The following HELZ2 variants were observed in gnomAD, a reference collection of about 807,000 sequenced individuals.
HELZ2 encodes 3'-5' exoribonuclease HELZ2.
In HELZ2, 143 loss-of-function variants were observed where a neutral mutation model predicts 208.8. The ratio of observed to expected loss-of-function variants is 0.68; its 90% CI spans 0.60 to 0.79. HELZ2 has a LOEUF of 0.79. HELZ2 is among the 30% of genes least tolerant of loss of function. The probability of loss-of-function intolerance (pLI) is 0.00; values close to 1 mark genes in which losing one functional copy is unlikely to be tolerated. For missense variants in HELZ2, 3,690 were observed against 3,794.5 expected (o/e 0.97, Z 0.72); for synonymous variants, 1,705 against 1,693.7 (o/e 1.01, Z -0.16).
In HELZ2 at chr20:63,568,893, A is replaced by G. The variant is rs200679695; in HGVS notation, c.1195T>C (p.Ser399Pro). The change falls in exon 5 of 19, where the codon TCC becomes CCC. Residue 399 changes from serine to proline, a missense_variant. Coordinates refer to ENST00000467148, the Ensembl canonical transcript of HELZ2. ...TGGTCTGTGTCTGGCATCAGGGAGG[A>G]GGGGACGGGGACCTCTGCGTACAGT... The G allele has an allele frequency of 5.6e-6, 9 of 1,611,448 alleles. No homozygotes were observed. The East Asian group carries it at 1.8e-4, about 32-fold the overall frequency.
At chr20:63,562,824 C>G (rs758534309) in exon 8 of HELZ2, 1 of 1,610,342 alleles carries the variant, frequency 6.2e-7, no homozygotes, top group Non-Finnish European at 8.5e-7. Context: ...AAGTTGATGT[C>G]GGCACAGTTC....
chr20:63,566,037 C>T lies in HELZ2; in HGVS notation c.2785G>A (p.Glu929Lys), dbSNP rs148858048. ...TCCACGCACTCACGGATGAAGCTCT[C>T]CCAGAGCTTGCCGCAGGCCCCGAAG... Residue 929 changes from glutamate (E) to lysine (K), a missense_variant, in exon 8 of 19, where the codon GAG becomes AAG. Transcript: ENST00000467148. The T allele has an allele frequency of 8.0e-5, 127 of 1,591,718 alleles. No individual in the cohort carries two copies. In the African/African-American group the frequency reaches 1.5e-3, roughly 19 times the overall value.
chr20:63,563,210 A>C lies in HELZ2; in HGVS notation c.5612T>G (p.Leu1871Arg). 2 of 1,582,102 alleles carry C rather than the reference A, an allele frequency of 1.3e-6. No individual in the cohort carries two copies. Among genetic ancestry groups the C allele is most frequent in the African/African-American group, 1.3e-5 (1 of 74,768 alleles). Residue 1871 changes from leucine (L) to arginine (R), a missense_variant, in exon 8 of 19, where the codon CTG (leucine) becomes CGG (arginine). This residue lies in a region of HELZ2 where 2,564 missense variants were observed against 2,580.5 expected (regional missense o/e 0.99). Coordinates refer to ENST00000467148, the Ensembl canonical transcript of HELZ2. ...ACTGCCCAGCTCCCGGGCCACCTCC[A>C]GGAAATGGCCACAGTGGCTCCGCTG...
chr20:63,559,111 T>C, downstream of HELZ2: 1 of 1,010,674 alleles, frequency 9.9e-7, no homozygotes, highest in South Asian at 1.8e-5. Flanking sequence ...GTCCACCCAC[T>C]TCCTGCCCCA....
rs1430504975 is a variant in HELZ2 at position 63,562,515 on chromosome 20, C to T, written c.6302+5G>A. The T allele has an allele frequency of 1.3e-6, 2 of 1,568,428 alleles. No homozygotes were observed. Among genetic ancestry groups the T allele is most frequent in the Non-Finnish European group, 1.7e-6 (2 of 1,158,448 alleles). On this transcript the variant is annotated splice_donor_5th_base_variant and intron_variant, in intron 8 of 18. Transcript: ENST00000467148. The stretch of plus-strand genomic sequence containing the variant: ...GCCCAGCCTCTGCTGGTGGAAGCCA[C>T]TCACAGATCAGGAAGCTGCTTGGGC...
chr20:63,570,786 C>T, exon 2 of HELZ2: 1 of 1,611,064 alleles, frequency 6.2e-7, no homozygotes. Context: ...AGCTCCACAG[C>T]CTGCGTGCGC....
chr20:63,566,694 G>A (rs2082963247), intron 6 of HELZ2, 150 bp downstream of exon 7: 1 of 808,666 alleles, frequency 1.2e-6, no homozygotes, highest in Non-Finnish European at 1.9e-6. Flanking sequence ...CACCTCAGGG[G>A]CCGAGCCCCA....
exon 8 of HELZ2, chr20:63,564,678 C>T (rs990397939): frequency 1.3e-6 from 2 of 1,588,864 alleles, no homozygotes; most frequent in Non-Finnish European, 1.7e-6. Context: ...AGCACCCCGT[C>T]CCTGGGCACG....
chr20:63,568,378 G>A (rs1340899001), exon 5 of HELZ2: 3 of 1,610,942 alleles, frequency 1.9e-6, no homozygotes, highest in Non-Finnish European at 2.5e-6. Flanking sequence ...GTGTGCAGAT[G>A]AGCACCTTGG....
chr20:63,563,923 A>C, exon 8 of HELZ2: 1 of 1,593,508 alleles, frequency 6.3e-7, no homozygotes. Context: ...CGCGGCCTGC[A>C]GGAGCCAGGA....
intron 1 of HELZ2, 151 bp from the exon 3 acceptor site, chr20:63,571,019 G>A (rs1438044894): frequency 1.6e-6 from 1 of 622,158 alleles, no homozygotes; most frequent in Non-Finnish European, 2.7e-6. Context: ...ACAAGGCCTG[G>A]CTCAAGCAGT....
At chr20:63,561,370 G>T in exon 13 of HELZ2, 2 of 1,613,056 alleles carry the variant, frequency 1.2e-6, no homozygotes, top group South Asian at 1.1e-5. Context: ...CCTCCCTGGA[G>T]AAGAGCTCCC....
At chr20:63,560,927 C>T in exon 15 of HELZ2, 2 of 1,612,746 alleles carry the variant, frequency 1.2e-6, no homozygotes, top group Non-Finnish European at 1.7e-6. Flanking sequence ...CGAGAAGAAC[C>T]ACCTGGAGGA....
chr20:63,562,958 G>T (rs757529225), exon 8 of HELZ2: 13 of 1,591,132 alleles, frequency 8.2e-6, no homozygotes, highest in South Asian at 2.3e-5. Flanking sequence ...AACCGCGCCG[G>T]TGGCCGACTC....
intron 1 of HELZ2, chr20:63,571,108 C>A (rs529326604): frequency 6.2e-6 from 3 of 486,190 alleles, no homozygotes; most frequent in Non-Finnish European, 7.2e-6. Context: ...GGGAGGCCCC[C>A]GTCCACTGAA....
exon 8 of HELZ2, chr20:63,565,590 G>T: frequency 6.2e-7 from 1 of 1,609,530 alleles, no homozygotes. Flanking sequence ...TCGTCCAGAA[G>T]CTCCCGTAGG....
At chr20:63,568,081 C>G in intron 5 of HELZ2, 1 of 559,014 alleles carries the variant, frequency 1.8e-6, no homozygotes, top group South Asian at 2.4e-5. Flanking sequence ...AAACAAGACT[C>G]ATCCCCAGAA....
At chr20:63,570,647 A>AGGGCC in intron 2 of HELZ2, 36 bp from the exon 4 acceptor site, 8 of 1,497,308 alleles carry the variant, frequency 5.3e-6, no homozygotes, top group Non-Finnish European at 7.4e-6. Context: ...AGAGGCCTGG[A>AGGGCC]CCCCACCCCA....
At chr20:63,561,087 C>T (rs1386704357) in exon 14 of HELZ2, 11 of 1,610,420 alleles carry the variant, frequency 6.8e-6, no homozygotes, top group East Asian at 6.7e-5. Flanking sequence ...CCAACCTTCT[C>T]GGCCTGTGGG....
Sources: gnomAD v4.1 joint callset for allele counts on GRCh38, gnomAD v4.1.1 for gene constraint, gnomAD v4.1.1 regional missense constraint, MANE v1.5 for transcripts, NCBI Gene and HGNC (gene_info 2026-07-23, HGNC 2026-07-21) for gene names.